The following CDH12 variants were observed in gnomAD, a reference collection of about 807,000 sequenced individuals.
CDH12 encodes the protein cadherin-12.
Under a neutral mutation model 74.1 loss-of-function variants are expected in CDH12, and 41 were observed. The observed-to-expected ratio is 0.55, with a 90% CI of 0.43 to 0.72. CDH12 has a LOEUF of 0.72. Among genes scored for constraint, CDH12 ranks in the 30% least tolerant of loss-of-function variants. The pLI is 0.00. For missense variants in CDH12, 945 were observed against 977.2 expected, an observed-to-expected ratio of 0.97 and a Z score of 0.44; for synonymous variants, 399 against 355.0, an observed-to-expected ratio of 1.12 and a Z score of -1.39.
intron 8 of CDH12, among the ~76,000 whole-genome samples, chr5:21,832,457 T>A (rs1466500812): frequency 1.3e-5 from 2 of 151,988 alleles, no homozygotes; most frequent in Non-Finnish European, 2.9e-5. Flanking sequence ...TTCACTGAGC[T>A]TGCATTCAAA....
chr5:22,721,648 G>T (rs879399849), intron 1 of CDH12, among the ~76,000 whole-genome samples: 11 of 152,116 alleles, frequency 7.2e-5, no homozygotes, highest in Non-Finnish European at 1.3e-4. Flanking sequence ...AGAGGGACCA[G>T]GGACAGAATG....
At chr5:21,848,572 CTTGAATAATATT>C (rs1750300491) in intron 7 of CDH12, among the ~76,000 whole-genome samples, 1 of 151,842 alleles carries the variant, frequency 6.6e-6, no homozygotes, top group South Asian at 2.1e-4. Flanking sequence ...CTAGTACATT[CTTGAATAATATT>C]TATTCAAATG....
chr5:22,133,026 A>G (rs1198513730), intron 4 of CDH12, among the ~76,000 whole-genome samples: 1 of 152,174 alleles, frequency 6.6e-6, no homozygotes, highest in Admixed American at 6.5e-5. Context: ...ACAACTCTGA[A>G]ATGATTTTAT....
chr5:22,809,456 C>G lies in CDH12; in HGVS notation c.-523+43602G>C, dbSNP rs1359837051. 2.6e-5 allele frequency among the ~76,000 whole-genome samples: 4 copies of G among 151,552 alleles called. No individual in the cohort carries two copies. The East Asian group carries it at 7.7e-4, about 29-fold the overall frequency. Reference sequence around the variant, plus strand: ...ATATAAATAAATAATATGATACATTCCTTTCATAAAATGCTTTTAAATATA... The same window carrying G: ...ATATAAATAAATAATATGATACATTGCTTTCATAAAATGCTTTTAAATATA... On this transcript the variant is annotated intron_variant, in intron 1 of 14. Coordinates refer to ENST00000382254, the MANE Select transcript of CDH12 (RefSeq NM_004061.5).
chr5:22,074,402 G>A (rs2150220752), intron 5 of CDH12, among the ~76,000 whole-genome samples: 1 of 152,184 alleles, frequency 6.6e-6, no homozygotes. Context: ...CATAGGCATG[G>A]GCAAGGACTT....
At chr5:21,883,624 T>G (rs1752476730) in intron 6 of CDH12, 1 of 1,610,880 alleles carries the variant, frequency 6.2e-7, no homozygotes, top group Admixed American at 1.7e-5. Context: ...TTAGGAAAAG[T>G]TGGAGAGGTC....
Position 22,510,833 on chromosome 5 carries a change from C to T in CDH12, c.-522-5469G>A, listed in dbSNP as rs183976034. Among the ~76,000 whole-genome samples the T allele has an allele frequency of 9.0e-4, 136 of 151,676 alleles. 1 individual carries two copies. The highest frequency in any genetic ancestry group is 1.8e-3 in the Admixed American group (28 of 15,224). On this transcript the variant is annotated intron_variant, in intron 1 of 14. Coordinates refer to ENST00000382254, the MANE Select transcript of CDH12 (RefSeq NM_004061.5). ...TACAGGTTTCTTTAATTATATCATA[C>T]ATAAAAAATAACTTTCAGATGCATG... is the stretch of plus-strand genomic sequence containing the variant.
chr5:22,317,476 T>C (rs1738682486), intron 3 of CDH12, among the ~76,000 whole-genome samples: 1 of 152,054 alleles, frequency 6.6e-6, no homozygotes, highest in African/African-American at 2.4e-5. Flanking sequence ...CACACACATA[T>C]GTATTTAAAG....
At chr5:22,148,129 T>C (rs1314081953) in intron 4 of CDH12, among the ~76,000 whole-genome samples, 1 of 152,176 alleles carries the variant, frequency 6.6e-6, no homozygotes, top group Non-Finnish European at 1.5e-5. Context: ...TACAAATCTA[T>C]TAAGTACTTA....
intron 1 of CDH12, among the ~76,000 whole-genome samples, chr5:22,620,207 C>T (rs1367557959): frequency 6.6e-6 from 1 of 151,842 alleles, no homozygotes; most frequent in African/African-American, 2.4e-5. Context: ...AAACTGGATA[C>T]CCCCAATGGC....
chr5:21,761,451 C>G (rs1744712549), intron 12 of CDH12, among the ~76,000 whole-genome samples: 1 of 152,044 alleles, frequency 6.6e-6, no homozygotes, highest in Non-Finnish European at 1.5e-5. Context: ...GTGCATCAGA[C>G]AGAATTTCAG....
In CDH12 at chr5:22,245,093, A is replaced by G. The variant is rs1217846861; in HGVS notation, c.-332-32450T>C. Among the ~76,000 whole-genome samples, 5 of 152,212 alleles carry G rather than the reference A, an allele frequency of 3.3e-5. No individual in the cohort carries two copies. In the East Asian group the frequency reaches 9.6e-4, roughly 29 times the overall value. On this transcript the variant is annotated intron_variant, in intron 3 of 14. Coordinates refer to ENST00000382254, the MANE Select transcript of CDH12 (RefSeq NM_004061.5). The stretch of plus-strand genomic sequence containing the variant: ...TAGGAAAAGATGCCTGAAACCCAGC[A>G]GGAGCAATTTCTATGTAGGGCCTTA...
intron 3 of CDH12, among the ~76,000 whole-genome samples, chr5:22,297,855 A>G (rs997216588): frequency 6.6e-6 from 1 of 152,064 alleles, no homozygotes; most frequent in African/African-American, 2.4e-5. Flanking sequence ...TGATGTATAC[A>G]TTTTCAGAAA....
At chr5:21,905,952 G>GT (rs1291003230) in intron 6 of CDH12, among the ~76,000 whole-genome samples, 29 of 152,128 alleles carry the variant, frequency 1.9e-4, no homozygotes, top group African/African-American at 7.0e-4. Flanking sequence ...ACAATGTCTG[G>GT]TTAATAGTAA....
chr5:22,800,782 T>A (rs540553722), intron 1 of CDH12, among the ~76,000 whole-genome samples: 3 of 152,082 alleles, frequency 2.0e-5, no homozygotes, highest in African/African-American at 4.8e-5. Context: ...TGTTATATAT[T>A]CTAAGTCATA....
chr5:21,794,813 C>T (rs1746691683), intron 10 of CDH12, among the ~76,000 whole-genome samples: 1 of 151,496 alleles, frequency 6.6e-6, no homozygotes, highest in Admixed American at 6.6e-5. Flanking sequence ...GAAACTAACA[C>T]ACTATTTTTT....
At chr5:22,636,276 C>CTT (rs1411824614) in intron 1 of CDH12, among the ~76,000 whole-genome samples, 1 of 150,382 alleles carries the variant, frequency 6.6e-6, no homozygotes, top group East Asian at 2.1e-4. Flanking sequence ...GCTTCTTAAA[C>CTT]ATAGTTGCCT....
chr5:22,546,154 C>T (rs1047888393), intron 1 of CDH12, among the ~76,000 whole-genome samples: 1 of 152,070 alleles, frequency 6.6e-6, no homozygotes, highest in Non-Finnish European at 1.5e-5. Flanking sequence ...CTATGTTGTC[C>T]AGGCTGGTCT....
intron 6 of CDH12, among the ~76,000 whole-genome samples, chr5:21,943,973 G>T (rs1561317765): frequency 6.6e-6 from 1 of 151,936 alleles, no homozygotes; most frequent in Non-Finnish European, 1.5e-5. Context: ...TTAAGGCTGG[G>T]ACCCATATCC....
Sources: gnomAD v4.1 joint callset for allele counts (sites outside exome capture counted in the v4.1 genomes callset) on GRCh38, gnomAD v4.1.1 for gene constraint, MANE v1.5 for transcripts, NCBI Gene and HGNC (gene_info 2026-07-23, HGNC 2026-07-21) for gene names.